VPS8: variants seen among roughly 807,000 people sequenced by gnomAD.
VPS8 encodes VPS8 subunit of CORVET complex.
Under a neutral mutation model 216.4 loss-of-function variants are expected in VPS8, and 129 were observed. That is an observed-to-expected ratio of 0.60 (90% CI 0.52 to 0.69). VPS8 has a LOEUF of 0.69. VPS8 is among the 30% of genes least tolerant of loss of function. The pLI is 0.00. For missense variants in VPS8, 1,531 were observed against 1,683.5 expected (o/e 0.91, Z 1.59); for synonymous variants, 571 against 565.4 (o/e 1.01, Z -0.14).
chr3:184,923,337 C>A (rs1021114534), intron 29 of VPS8, among the ~76,000 whole-genome samples: 1 of 152,164 alleles, frequency 6.6e-6, no homozygotes, highest in African/African-American at 2.4e-5. Flanking sequence ...AAAAAATGTC[C>A]TGTTTCATTG....
rs1345654130 is a variant in VPS8, at chr3:185,018,285, TA to T, written c.4003-6049del. On this transcript the variant is annotated intron_variant, in intron 45 of 47. Coordinates refer to ENST00000625842, the MANE Select transcript of VPS8 (RefSeq NM_001009921.3). ...CAATCACCTTTTTAAGAGACTCCTG[TA>T]ACCGAGCCATAAAATCTGCATACGG... is the stretch of plus-strand genomic sequence containing the variant. 2.6e-5 allele frequency among the ~76,000 whole-genome samples: 4 copies of T among 152,366 alleles called. No individual in the cohort carries two copies. The East Asian group carries it at 7.7e-4, about 29-fold the overall frequency.
intron 2 of VPS8, among the ~76,000 whole-genome samples, chr3:184,825,650 C>T (rs909926140): frequency 6.6e-6 from 1 of 152,176 alleles, no homozygotes; most frequent in Non-Finnish European, 1.5e-5. Context: ...GCCTGTGATT[C>T]CAGCACTTTA....
At chr3:184,936,141 T>C (rs1258405735) in intron 34 of VPS8, 105 bp from the exon 35 acceptor site, 2 of 911,286 alleles carry the variant, frequency 2.2e-6, no homozygotes, top group Non-Finnish European at 3.3e-6. Flanking sequence ...AAATGCAGCA[T>C]GGAAGCTTGC....
At chr3:185,007,499 A>T (rs767539014) in intron 45 of VPS8, among the ~76,000 whole-genome samples, 10 of 152,384 alleles carry the variant, frequency 6.6e-5, no homozygotes, top group African/African-American at 1.9e-4. Flanking sequence ...GTCAACAGGT[A>T]ACTTGATATA....
In VPS8 at chr3:184,999,677, G is replaced by T. The variant is rs769349250; in HGVS notation, c.3837-19G>T. 3.6e-5 allele frequency: 57 copies of T among 1,592,106 alleles called. 1 individual carries two copies. Among genetic ancestry groups the T allele is most frequent in the South Asian group, 1.0e-4 (9 of 86,342 alleles). On this transcript the variant is annotated intron_variant, in intron 44 of 47. Transcript: ENST00000625842. ...TTTGTGATAATAAAAAGTACAAATT[G>T]GTTGCCTTCGTTTTGCAGCTGTGGC...
At chr3:184,868,293 C>A in intron 18 of VPS8, 1 of 466,238 alleles carries the variant, frequency 2.1e-6, no homozygotes, top group Non-Finnish European at 3.8e-6. Context: ...AATAAGATTT[C>A]TCTGTCATGT....
At position 184,862,978 on chromosome 3, in the gene VPS8, G is replaced by T. The variant is rs751961968; in HGVS notation, c.1306G>T (p.Glu436Ter). 6.2e-7 allele frequency: 1 copy of T among 1,613,954 alleles called. No homozygotes were observed. The highest frequency in any genetic ancestry group is 8.5e-7 in the Non-Finnish European group (1 of 1,179,840). ...VIDRQTQEEL[E>*]TVEISEVQLV... is the part of the protein sequence containing the mutation. Reference sequence around the variant, plus strand: ...TGATCGGCAAACACAAGAGGAATTGGAGACAGTGGAGATCTCAGAAGTTCA... The same window carrying T: ...TGATCGGCAAACACAAGAGGAATTGTAGACAGTGGAGATCTCAGAAGTTCA... The change falls in exon 16 of 48, where the codon GAG becomes TAG. Residue 436 changes from glutamate (E) to a stop codon, truncating the protein, a stop_gained. Coordinates refer to ENST00000625842, the MANE Select transcript of VPS8 (RefSeq NM_001009921.3). LOFTEE classifies it high-confidence loss of function.
chr3:184,997,799 TA>T (rs1224979094), intron 44 of VPS8, among the ~76,000 whole-genome samples: 1 of 152,136 alleles, frequency 6.6e-6, no homozygotes, highest in African/African-American at 2.4e-5. Context: ...ACAGACAACT[TA>T]AAAATTAATT....
intron 28 of VPS8, among the ~76,000 whole-genome samples, chr3:184,919,287 A>T (rs1230169997): frequency 6.6e-6 from 1 of 152,226 alleles, no homozygotes; most frequent in African/African-American, 2.4e-5. Flanking sequence ...AAATAGCAAT[A>T]AATTAGTGCT....
intron 46 of VPS8, among the ~76,000 whole-genome samples, chr3:185,043,125 G>A (rs904354320): frequency 3.3e-5 from 5 of 152,082 alleles, no homozygotes; most frequent in East Asian, 3.9e-4. Context: ...CAGGGTGTCC[G>A]CGAGCAGCCC....
At chr3:185,049,718 A>T (rs1413863098) in intron 47 of VPS8, among the ~76,000 whole-genome samples, 2 of 151,924 alleles carry the variant, frequency 1.3e-5, no homozygotes, top group African/African-American at 4.8e-5. Flanking sequence ...AGGTGGTCCC[A>T]TTTGTTCCTG....
chr3:184,952,200 A>G (rs1230031257), intron 36 of VPS8, among the ~76,000 whole-genome samples: 2 of 152,214 alleles, frequency 1.3e-5, no homozygotes, highest in African/African-American at 4.8e-5. Flanking sequence ...ATTGGTTAAC[A>G]TTCCCATTTT....
At chr3:185,050,194 C>T (rs573568127) in intron 47 of VPS8, among the ~76,000 whole-genome samples, 4 of 149,834 alleles carry the variant, frequency 2.7e-5, no homozygotes, top group Non-Finnish European at 5.9e-5. Flanking sequence ...TTGAGTTGAG[C>T]GTCTGTGGCT....
chr3:185,052,313 G>A lies in VPS8; in HGVS notation c.*288G>A, dbSNP rs569704078. 13 of 278,866 alleles carry A rather than the reference G, an allele frequency of 4.7e-5. No individual in the cohort carries two copies. The highest frequency in any genetic ancestry group is 2.2e-4 in the African/African-American group (10 of 45,376). 17.3% of individuals were successfully genotyped at this position (278,866 alleles called of 1,614,324 possible). ...TCCAGCTTTTTAGGAAATACATTTC[G>A]CCTATTGCGACTTTTTCCATTTACC... On this transcript the variant is annotated 3_prime_UTR_variant, in exon 48 of 48. Transcript: ENST00000625842.
At chr3:184,921,581 CT>C (rs201233527) in intron 29 of VPS8, among the ~76,000 whole-genome samples, 19 of 148,290 alleles carry the variant, frequency 1.3e-4, no homozygotes, top group Middle Eastern at 3.2e-3. Context: ...TCTTCTTCTT[CT>C]TTTTTTTTTG....
intron 25 of VPS8, 59 bp downstream of exon 25, chr3:184,901,031 G>A (rs1360515728): frequency 1.3e-5 from 20 of 1,516,874 alleles, no homozygotes; most frequent in Non-Finnish European, 1.5e-5. Flanking sequence ...TTATTTAAAT[G>A]TTACAAAATT....
chr3:185,007,887 CTTAT>C (rs1443133273), intron 45 of VPS8, among the ~76,000 whole-genome samples: 1 of 152,026 alleles, frequency 6.6e-6, no homozygotes, highest in Non-Finnish European at 1.5e-5. Context: ...TTGCACATTG[CTTAT>C]TTATTTTGAA....
intron 10 of VPS8, 70 bp from the exon 11 acceptor site, chr3:184,852,430 T>C: frequency 7.1e-7 from 1 of 1,411,198 alleles, no homozygotes; most frequent in Non-Finnish European, 9.8e-7. Flanking sequence ...TTCAAAATTG[T>C]ATAATTTTTT....
In VPS8 at chr3:184,996,374, C is replaced by T. The variant is rs941569046; in HGVS notation, c.3709C>T (p.His1237Tyr). 3 of 1,613,714 alleles carry T rather than the reference C, an allele frequency of 1.9e-6. No individual in the cohort carries two copies. The highest frequency in any genetic ancestry group is 1.6e-4 in the Middle Eastern group (1 of 6,062). Residue 1237 changes from histidine (H) to tyrosine (Y), a missense_variant, in exon 44 of 48, where the codon CAT (histidine) becomes TAT (tyrosine). Coordinates refer to ENST00000625842, the MANE Select transcript of VPS8 (RefSeq NM_001009921.3). ...TTTSLLNQDL[H>Y]WSLCNLRASV... The stretch of plus-strand genomic sequence containing the variant: ...AACCAGCCTTCTAAACCAAGATCTC[C>T]ATTGGTCATTGTGTAACCTGAGAGC...
Sources: gnomAD v4.1 joint callset for allele counts (sites outside exome capture counted in the v4.1 genomes callset) on GRCh38, gnomAD v4.1.1 for gene constraint, MANE v1.5 for transcripts, NCBI Gene and HGNC (gene_info 2026-07-23, HGNC 2026-07-21) for gene names.